The following FHIT variants were observed in gnomAD, a reference collection of about 807,000 sequenced individuals.
FHIT encodes the protein bis(5'-adenosyl)-triphosphatase.
Under a neutral mutation model 17.9 loss-of-function variants are expected in FHIT, and 19 were observed. The observed-to-expected ratio is 1.06, with a 90% CI of 0.74 to 1.56. The LOEUF (loss-of-function observed/expected upper bound fraction) is 1.56. Among genes scored for constraint, FHIT ranks in the 40% most tolerant of loss-of-function variants. The probability of loss-of-function intolerance (pLI) is 0.00; values close to 1 mark genes in which losing one functional copy is unlikely to be tolerated. For missense variants in FHIT, 248 were observed against 189.2 expected, an observed-to-expected ratio of 1.31 and a Z score of -1.82; for synonymous variants, 81 against 69.7, an observed-to-expected ratio of 1.16 and a Z score of -0.81.
chr3:60,650,103 C>A (rs2107805355), intron 4 of FHIT, among the ~76,000 whole-genome samples: 1 of 152,310 alleles, frequency 6.6e-6, no homozygotes, highest in Middle Eastern at 3.4e-3. Context: ...CCTTTCTAGG[C>A]CTAAAATACA....
At chr3:60,237,302 C>G (rs1704853172) in intron 5 of FHIT, among the ~76,000 whole-genome samples, 1 of 140,000 alleles carries the variant, frequency 7.1e-6, no homozygotes, top group East Asian at 2.1e-4. Flanking sequence ...ATGATAGCAC[C>G]TATTTCCTAC....
At chr3:59,987,112 ATAT>A (rs1350155242) in intron 7 of FHIT, among the ~76,000 whole-genome samples, 3 of 138,880 alleles carry the variant, frequency 2.2e-5, no homozygotes, top group Non-Finnish European at 4.7e-5. Context: ...AAAAATCTAT[ATAT>A]TTTATATAGA....
intron 3 of FHIT, among the ~76,000 whole-genome samples, chr3:60,894,929 A>G (rs1373691325): frequency 2.0e-5 from 3 of 152,156 alleles, no homozygotes; most frequent in Non-Finnish European, 4.4e-5. Context: ...GCTTCTAGGA[A>G]TTACAGTAGT....
At chr3:60,727,739 C>A (rs1240334224) in intron 4 of FHIT, among the ~76,000 whole-genome samples, 1 of 152,228 alleles carries the variant, frequency 6.6e-6, no homozygotes, top group African/African-American at 2.4e-5. Context: ...CACTGTGGCT[C>A]ACGCCTGTGA....
At chr3:60,053,121 T>G (rs986421274) in intron 5 of FHIT, among the ~76,000 whole-genome samples, 6 of 151,976 alleles carry the variant, frequency 3.9e-5, no homozygotes, top group Admixed American at 6.6e-5. Flanking sequence ...TGTATCTTCT[T>G]TCCATTTAGA....
At chr3:60,310,822 T>C (rs1481951260) in intron 5 of FHIT, among the ~76,000 whole-genome samples, 3 of 152,180 alleles carry the variant, frequency 2.0e-5, no homozygotes, top group Non-Finnish European at 2.9e-5. Context: ...GGGACAACTG[T>C]GTATGCCCCA....
At chr3:59,995,984 A>G (rs917416478) in intron 7 of FHIT, among the ~76,000 whole-genome samples, 3 of 152,098 alleles carry the variant, frequency 2.0e-5, no homozygotes, top group Admixed American at 6.6e-5. Flanking sequence ...ATGAAGAAGA[A>G]GAGAGTGAGA....
chr3:60,177,290 A>T (rs1701723392), intron 5 of FHIT, among the ~76,000 whole-genome samples: 1 of 151,964 alleles, frequency 6.6e-6, no homozygotes, highest in Non-Finnish European at 1.5e-5. Context: ...AGCTAGAAGA[A>T]GTTGAACTTG....
Position 60,258,100 on chromosome 3 carries a change from A to ACC in FHIT, c.104-243950_104-243949dup, listed in dbSNP as rs1553725211. ...CACACACACACACACACACACACAC[A>ACC]CCTCTGCAGATTTTGTACACACTCC... On this transcript the variant is annotated intron_variant, in intron 5 of 9. Transcript: ENST00000492590. Among the ~76,000 whole-genome samples, 362 of 145,160 alleles carry ACC rather than the reference A, an allele frequency of 2.5e-3. 3 individuals carry two copies. Among genetic ancestry groups the ACC allele is most frequent in the Middle Eastern group, 0.011 (3 of 278 alleles).
At chr3:60,929,468 A>T (rs12488246) in intron 3 of FHIT, among the ~76,000 whole-genome samples, 1 of 151,914 alleles carries the variant, frequency 6.6e-6, no homozygotes. Flanking sequence ...AAACCCCATC[A>T]TCTCAGCCCA....
intron 3 of FHIT, among the ~76,000 whole-genome samples, chr3:60,957,847 C>T (rs1553779459): frequency 6.6e-6 from 1 of 152,218 alleles, no homozygotes; most frequent in African/African-American, 2.4e-5. Context: ...TTTATCTCTT[C>T]CACATAGGTG....
chr3:61,141,389 C>G (rs959328422), intron 2 of FHIT, among the ~76,000 whole-genome samples: 1 of 152,066 alleles, frequency 6.6e-6, no homozygotes. Flanking sequence ...CTTAGTCATC[C>G]GCTCCTTTCA....
chr3:60,146,055 T>A (rs190498179), intron 5 of FHIT, among the ~76,000 whole-genome samples: 339 of 152,264 alleles, frequency 2.2e-3, no homozygotes, highest in Middle Eastern at 6.8e-3. Context: ...AAAGGGAAGA[T>A]GTTTATCATA....
intron 5 of FHIT, among the ~76,000 whole-genome samples, chr3:60,436,665 T>C (rs965349652): frequency 1.3e-5 from 2 of 152,148 alleles, no homozygotes; most frequent in African/African-American, 2.4e-5. Context: ...ATGAATGTAA[T>C]GTCTGTGGCC....
intron 1 of FHIT, among the ~76,000 whole-genome samples, chr3:61,245,118 T>C (rs1234013969): frequency 6.6e-6 from 1 of 152,192 alleles, no homozygotes; most frequent in Non-Finnish European, 1.5e-5. Flanking sequence ...GTATTCAAAA[T>C]ATGATAAACA....
chr3:61,176,257 G>A (rs2038153498), intron 2 of FHIT, among the ~76,000 whole-genome samples: 1 of 152,188 alleles, frequency 6.6e-6, no homozygotes. Flanking sequence ...TAACATATCA[G>A]CAATTCATGC....
intron 4 of FHIT, among the ~76,000 whole-genome samples, chr3:60,608,591 CA>C (rs111416361): frequency 0.033 from 5,060 of 151,742 alleles, 303 homozygotes; most frequent in African/African-American, 0.12. Context: ...TTTTTTTTCC[CA>C]CCAGGAAAAA....
intron 4 of FHIT, among the ~76,000 whole-genome samples, chr3:60,818,861 C>A (rs1553738425): frequency 2.0e-5 from 3 of 151,994 alleles, no homozygotes; most frequent in African/African-American, 7.2e-5. Context: ...AGGATGGCCA[C>A]CCGAAATGAC....
At chr3:61,030,523 T>C (rs1350554873) in intron 3 of FHIT, among the ~76,000 whole-genome samples, 1 of 152,244 alleles carries the variant, frequency 6.6e-6, no homozygotes, top group Non-Finnish European at 1.5e-5. Context: ...GTCTGCCATA[T>C]ACATTTTAAT....
Sources: allele counts gnomAD v4.1 joint callset (sites outside exome capture counted in the v4.1 genomes callset), GRCh38; gene constraint gnomAD v4.1.1; transcripts MANE v1.5; gene names NCBI Gene and HGNC (gene_info 2026-07-23, HGNC 2026-07-21).